HEATR5A: variants seen among roughly 807,000 people sequenced by gnomAD.
HEATR5A encodes HEAT repeat containing 5A, also known as HEAT repeat-containing protein 5A.
A neutral mutation model predicts 218.8 loss-of-function variants in HEATR5A; 178 were observed. The observed-to-expected ratio is 0.81, with a 90% CI of 0.72 to 0.92. HEATR5A has a LOEUF of 0.92. HEATR5A is among the 40% of genes least tolerant of loss of function. The probability of loss-of-function intolerance (pLI) is 0.00; values close to 1 mark genes in which losing one functional copy is unlikely to be tolerated. For missense variants in HEATR5A, 2,420 were observed against 2,418.9 expected, an observed-to-expected ratio of 1.00 and a Z score of -0.01; for synonymous variants, 864 against 871.6, an observed-to-expected ratio of 0.99 and a Z score of 0.15.
intron 33 of HEATR5A, among the ~76,000 whole-genome samples, chr14:31,297,947 G>A (rs1353551602): frequency 1.3e-5 from 2 of 152,138 alleles, no homozygotes; most frequent in African/African-American, 2.4e-5. Flanking sequence ...ACTTGAAACT[G>A]CAACAGAGTC....
intron 1 of HEATR5A, among the ~76,000 whole-genome samples, chr14:31,416,095 C>T (rs1266504659): frequency 6.6e-6 from 1 of 151,978 alleles, no homozygotes; most frequent in African/African-American, 2.4e-5. Context: ...GGACTCCAGG[C>T]GTGTACCACC....
intron 21 of HEATR5A, 33 bp downstream of exon 21, chr14:31,343,863 A>G (rs1900924074): frequency 1.3e-6 from 2 of 1,493,688 alleles, no homozygotes; most frequent in African/African-American, 1.4e-5. Flanking sequence ...CAAATAAAAG[A>G]AACTAAGAGC....
Position 31,325,831 on chromosome 14 carries a change from A to G in HEATR5A, c.3547+332T>C, listed in dbSNP as rs998551044. On this transcript the variant is annotated intron_variant, in intron 23 of 35. Transcript: ENST00000543095. ...ACACCTGGTCTCAAATATTTGTTGT[A>G]TGTATGAAAAGAAATGATGGGAACA... The G allele has an allele frequency of 1.2e-5, 3 of 247,138 alleles. No individual in the cohort carries two copies. In the Admixed American group the frequency reaches 1.7e-4, roughly 14 times the overall value. 15.3% of individuals were successfully genotyped at this position (247,138 alleles called of 1,614,324 possible).
rs137914126 is a variant in HEATR5A at position 31,301,187 on chromosome 14, T to C, written c.5464+1108A>G. Among the ~76,000 whole-genome samples, 516 of 152,318 alleles carry C rather than the reference T, an allele frequency of 3.4e-3. 3 individuals are homozygous for C. Among genetic ancestry groups the C allele is most frequent in the South Asian group, 0.021 (102 of 4,828 alleles). ...GCATACTGTGTCTAAAGACTTTTTA[T>C]AATCACTACAACACACTAGTGAAAA... On this transcript the variant is annotated intron_variant, in intron 33 of 35. Coordinates refer to ENST00000543095, the MANE Select transcript of HEATR5A (RefSeq NM_015473.4).
In HEATR5A at chr14:31,402,989, C is replaced by T; in HGVS notation, c.-14G>A. On this transcript the variant is annotated 5_prime_UTR_variant, in exon 2 of 36. Coordinates refer to ENST00000543095, the MANE Select transcript of HEATR5A (RefSeq NM_015473.4). ...AGCTAATTCCATTCCTTGCAGCAATCCTCCCAGCTGATCACAGTTCTTCTC... is the reference window on the plus strand; with the variant it reads ...AGCTAATTCCATTCCTTGCAGCAATTCTCCCAGCTGATCACAGTTCTTCTC... 1 of 1,534,044 alleles carries T rather than the reference C, an allele frequency of 6.5e-7. No homozygotes were observed. Among genetic ancestry groups the T allele is most frequent in the African/African-American group, 1.4e-5 (1 of 73,118 alleles).
intron 16 of HEATR5A, among the ~76,000 whole-genome samples, chr14:31,354,667 G>T (rs1315063910): frequency 6.6e-6 from 1 of 152,124 alleles, no homozygotes; most frequent in African/African-American, 2.4e-5. Context: ...TGGAATAAAA[G>T]TGCAGTTAAC....
At position 31,292,479 on chromosome 14, in the gene HEATR5A, G is replaced by T. The variant is rs1480715224; in HGVS notation, c.*826C>A. On this transcript the variant is annotated 3_prime_UTR_variant, in exon 36 of 36. Coordinates refer to ENST00000543095, the MANE Select transcript of HEATR5A (RefSeq NM_015473.4). ...AAGGCTGTAAGTAATTTGTACTATT[G>T]TATACTGGATAATCCTAGACCAGGT... 1 of 152,012 alleles carries T rather than the reference G, an allele frequency of 6.6e-6. No homozygotes were observed. Among genetic ancestry groups the T allele is most frequent in the Non-Finnish European group, 1.5e-5 (1 of 68,006 alleles). 9.4% of individuals were successfully genotyped at this position (152,012 alleles called of 1,614,324 possible).
chr14:31,409,959 G>T (rs568525683), intron 1 of HEATR5A, among the ~76,000 whole-genome samples: 1 of 152,154 alleles, frequency 6.6e-6, no homozygotes, highest in African/African-American at 2.4e-5. Flanking sequence ...GGTCATTTTA[G>T]TTCCTTAAAA....
chr14:31,392,850 T>C (rs948347733), intron 6 of HEATR5A, among the ~76,000 whole-genome samples: 3 of 152,184 alleles, frequency 2.0e-5, no homozygotes, highest in African/African-American at 7.2e-5. Context: ...TCAACATCTA[T>C]TCTATTTGAC....
At chr14:31,301,420 G>A (rs993203128) in intron 33 of HEATR5A, among the ~76,000 whole-genome samples, 3 of 151,744 alleles carry the variant, frequency 2.0e-5, no homozygotes, top group Admixed American at 1.3e-4. Context: ...TGCACCCGAC[G>A]AAAAACAAGT....
intron 1 of HEATR5A, among the ~76,000 whole-genome samples, chr14:31,415,407 C>T (rs2031412878): frequency 6.6e-6 from 1 of 152,184 alleles, no homozygotes; most frequent in Admixed American, 6.5e-5. Context: ...CCACAATTGT[C>T]TGGAGCAGCA....
Position 31,302,938 on chromosome 14 carries a change from CAAAAAAAAAAAA to C in HEATR5A, c.5240-431_5240-420del, listed in dbSNP as rs747481722. The stretch of plus-strand genomic sequence containing the variant: ...GCAACACAGTGAGACTTCATCTTTA[CAAAAAAAAAAAA>C]AAAAAAAAAAAAAATGGCTGGGATG... On this transcript the variant is annotated intron_variant, in intron 32 of 35. Transcript: ENST00000543095. Among the ~76,000 whole-genome samples, 5 of 102,200 alleles carry C rather than the reference CAAAAAAAAAAAA, an allele frequency of 4.9e-5. No homozygotes were observed. The East Asian group carries it at 9.5e-4, about 19-fold the overall frequency. The allele number at this position is 102,200 out of a possible 152,430, so 67.0% of individuals were successfully genotyped here. A position where few individuals can be genotyped will look rare whatever the true frequency, so the allele number is the denominator to read the frequency against.
At chr14:31,384,912 C>T (rs567550277) in intron 9 of HEATR5A, among the ~76,000 whole-genome samples, 3 of 152,174 alleles carry the variant, frequency 2.0e-5, no homozygotes, top group Admixed American at 1.3e-4. Context: ...CCTCAGTGGG[C>T]TACTAACCAA....
chr14:31,315,836 T>G lies in HEATR5A; in HGVS notation c.4152A>C (p.Leu1384=). 1 of 1,613,136 alleles carries G rather than the reference T, an allele frequency of 6.2e-7. No individual in the cohort carries two copies. The highest frequency in any genetic ancestry group is 8.5e-7 in the Non-Finnish European group (1 of 1,179,494). ...LTKIQAGKEA[L]SHLYNESAST... ...AAGCACTTTCATTATATAAGTGACTTAGAGCTTCTTTTCCAGCCTGTATTT... is the reference window on the plus strand; with the variant it reads ...AAGCACTTTCATTATATAAGTGACTGAGAGCTTCTTTTCCAGCCTGTATTT... Residue 1384 remains leucine, a synonymous_variant, in exon 27 of 36, where the codon CTA becomes CTC. Transcript: ENST00000543095.
chr14:31,292,629 C>T lies in HEATR5A; in HGVS notation c.*676G>A, dbSNP rs1899060341. The T allele has an allele frequency of 6.6e-6, 1 of 150,830 alleles. No homozygotes were observed. The highest frequency in any genetic ancestry group is 2.4e-5 in the African/African-American group (1 of 40,858). 9.3% of individuals were successfully genotyped at this position (150,830 alleles called of 1,614,324 possible). A position where few individuals can be genotyped will look rare whatever the true frequency, so the allele number is the denominator to read the frequency against. ...ATGGAGTCTCACTCTGTCGCCCAGG[C>T]TGGAGTGCAGTGGCACAATCTTGGC... On this transcript the variant is annotated 3_prime_UTR_variant, in exon 36 of 36. Coordinates refer to ENST00000543095, the MANE Select transcript of HEATR5A (RefSeq NM_015473.4).
chr14:31,376,138 T>A (rs992896575), intron 11 of HEATR5A, among the ~76,000 whole-genome samples: 4 of 152,228 alleles, frequency 2.6e-5, no homozygotes, highest in African/African-American at 9.6e-5. Flanking sequence ...TTTTTCTGCC[T>A]CAATTTCTTC....
intron 4 of HEATR5A, 75 bp downstream of exon 4, chr14:31,398,598 T>C: frequency 1.3e-6 from 1 of 749,782 alleles, no homozygotes; most frequent in Non-Finnish European, 2.2e-6. Context: ...TGTAAAGCTC[T>C]TTGATTTGCT....
chr14:31,301,037 G>C (rs976306679), intron 33 of HEATR5A, among the ~76,000 whole-genome samples: 1 of 152,152 alleles, frequency 6.6e-6, no homozygotes, highest in Non-Finnish European at 1.5e-5. Context: ...GGCTCCACCA[G>C]ATTCCCAACT....
rs1486642334 is a variant in HEATR5A, at chr14:31,307,856, T to C, written c.4818+37A>G. ...GAACATGTTTCTCTTCCTTAAAGAC[T>C]ACAGAAGCCTTACAAAAAAAACCCC... On this transcript the variant is annotated intron_variant, in intron 30 of 35. Coordinates refer to ENST00000543095, the MANE Select transcript of HEATR5A (RefSeq NM_015473.4). 4 of 1,598,306 alleles carry C rather than the reference T, an allele frequency of 2.5e-6. No homozygotes were observed. In the South Asian group the frequency reaches 4.6e-5, roughly 18 times the overall value.
Sources: gnomAD v4.1 joint callset for allele counts (sites outside exome capture counted in the v4.1 genomes callset) on GRCh38, gnomAD v4.1.1 for gene constraint, MANE v1.5 for transcripts, NCBI Gene and HGNC (gene_info 2026-07-23, HGNC 2026-07-21) for gene names.